The following EIF3H variants were observed in gnomAD, a reference collection of about 807,000 sequenced individuals.
EIF3H encodes the protein eukaryotic translation initiation factor 3 subunit H.
EIF3H carries 26 observed loss-of-function variants against 44.2 expected under a neutral mutation model. The observed-to-expected ratio is 0.59, with a 90% CI of 0.43 to 0.82. The LOEUF (loss-of-function observed/expected upper bound fraction) is 0.82, where lower values mean the gene tolerates loss of function less well. EIF3H is among the 40% of genes least tolerant of loss of function. EIF3H has a pLI of 0.00. For synonymous variants in EIF3H, 166 were observed against 151.9 expected, an observed-to-expected ratio of 1.09 and a Z score of -0.68; for missense variants, 359 against 432.8, an observed-to-expected ratio of 0.83 and a Z score of 1.51.
chr8:116,667,246 G>A (rs764571345), intron 2 of EIF3H, among the ~76,000 whole-genome samples: 10 of 152,096 alleles, frequency 6.6e-5, no homozygotes, highest in Non-Finnish European at 1.3e-4. Flanking sequence ...TAAAGTAGGT[G>A]AAACACTTCC....
intron 2 of EIF3H, among the ~76,000 whole-genome samples, chr8:116,668,366 A>G (rs1160058784): frequency 6.6e-6 from 1 of 152,234 alleles, no homozygotes; most frequent in Non-Finnish European, 1.5e-5. Context: ...AGAGAGTGAG[A>G]TCATACAAGG....
intron 2 of EIF3H, among the ~76,000 whole-genome samples, chr8:116,691,931 T>C (rs535417813): frequency 6.6e-6 from 1 of 152,286 alleles, no homozygotes; most frequent in South Asian, 2.1e-4. Flanking sequence ...GTTAAGGTTT[T>C]CTGGGTTAGA....
intron 1 of EIF3H, among the ~76,000 whole-genome samples, chr8:116,750,751 G>T (rs11781970): frequency 0.88 from 133,885 of 151,840 alleles, 59,312 homozygotes; most frequent in African/African-American, 0.95. Flanking sequence ...GTAGTCTGAG[G>T]GGCTGGAATG....
At chr8:116,726,499 G>A (rs1164292812) in intron 1 of EIF3H, among the ~76,000 whole-genome samples, 1 of 152,114 alleles carries the variant, frequency 6.6e-6, no homozygotes, top group Non-Finnish European at 1.5e-5. Flanking sequence ...CCCTCAACCT[G>A]AGGCTATTAT....
chr8:116,645,362 A>G (rs1208192901), intron 7 of EIF3H, among the ~76,000 whole-genome samples: 3 of 152,222 alleles, frequency 2.0e-5, no homozygotes, highest in Non-Finnish European at 4.4e-5. Flanking sequence ...GCTGTCAGTC[A>G]AAAGGACTGA....
In EIF3H at chr8:116,679,090, G is replaced by A. The variant is rs112759459; in HGVS notation, c.290-20110C>T. Among the ~76,000 whole-genome samples the A allele has an allele frequency of 5.7e-5, 3 of 52,930 alleles. 1 individual carries two copies. The highest frequency in any genetic ancestry group is 1.7e-4 in the Non-Finnish European group (3 of 17,506). 34.7% of individuals were successfully genotyped at this position (52,930 alleles called of 152,430 possible). ...TGGGAAGTGAGGAGTCCCTCTGCCCGGCCAGCCTCCCCGTCCGGGAGGGGG... is the reference window on the plus strand; with the variant it reads ...TGGGAAGTGAGGAGTCCCTCTGCCCAGCCAGCCTCCCCGTCCGGGAGGGGG... On this transcript the variant is annotated intron_variant, in intron 2 of 7. Coordinates refer to ENST00000521861, the MANE Select transcript of EIF3H (RefSeq NM_003756.3).
Position 116,693,787 on chromosome 8 carries a change from C to G in EIF3H, c.289+32229G>C, listed in dbSNP as rs1458962258. 3.3e-5 allele frequency among the ~76,000 whole-genome samples: 5 copies of G among 152,196 alleles called. No homozygotes were observed. The East Asian group carries it at 9.7e-4, about 29-fold the overall frequency. On this transcript the variant is annotated intron_variant, in intron 2 of 7. Coordinates refer to ENST00000521861, the MANE Select transcript of EIF3H (RefSeq NM_003756.3). The stretch of plus-strand genomic sequence containing the variant: ...AGCTCTGAATTCCTTAAGGGATCCT[C>G]CCGCCTCAGCCTCCCAAAGAGCTGG...
chr8:116,674,905 T>C (rs1813820829), intron 2 of EIF3H, among the ~76,000 whole-genome samples: 1 of 152,180 alleles, frequency 6.6e-6, no homozygotes, highest in Non-Finnish European at 1.5e-5. Context: ...TTTTTTTAGA[T>C]GTTTTTACAA....
intron 2 of EIF3H, chr8:116,697,206 G>T (rs1305052721): frequency 2.2e-6 from 1 of 456,198 alleles, no homozygotes; most frequent in Admixed American, 2.3e-5. Flanking sequence ...TTTTCCAGGG[G>T]TTGACAGATC....
At chr8:116,650,982 G>C (rs1271630818) in intron 5 of EIF3H, among the ~76,000 whole-genome samples, 1 of 152,182 alleles carries the variant, frequency 6.6e-6, no homozygotes, top group Non-Finnish European at 1.5e-5. Flanking sequence ...GAGATAGAAA[G>C]TGACTAGAGG....
intron 5 of EIF3H, among the ~76,000 whole-genome samples, chr8:116,655,143 T>C (rs1411494058): frequency 6.6e-6 from 1 of 151,934 alleles, no homozygotes; most frequent in Non-Finnish European, 1.5e-5. Flanking sequence ...TAAGAGGAGC[T>C]ATACATGTGG....
rs1254540980 is a variant in EIF3H at position 116,726,150 on chromosome 8, T to C, written c.155A>G (p.His52Arg). Residue 52 changes from histidine to arginine, a missense_variant, in exon 2 of 8, where the codon CAT becomes CGT. This residue lies in a region of EIF3H where 91 missense variants were observed against 164.6 expected (regional missense o/e 0.55). Transcript: ENST00000521861. ...AGTTCCTTGTCCTTCTTCTTGATAA[T>C]GTTTGATTATCTTTAATACCACCTA... ...DGLVVLKIIK[H>R]YQEEGQGTEV... is the part of the protein sequence containing the mutation. 1 of 1,613,946 alleles carries C rather than the reference T, an allele frequency of 6.2e-7. No individual in the cohort carries two copies.
chr8:116,653,949 G>T (rs1023302288), intron 5 of EIF3H, among the ~76,000 whole-genome samples: 13 of 152,184 alleles, frequency 8.5e-5, no homozygotes, highest in African/African-American at 2.9e-4. Context: ...ACCTGCATAA[G>T]AATTATTTCT....
At chr8:116,677,380 G>C (rs183503473) in intron 2 of EIF3H, among the ~76,000 whole-genome samples, 1 of 152,046 alleles carries the variant, frequency 6.6e-6, no homozygotes, top group Non-Finnish European at 1.5e-5. Flanking sequence ...AAAACTGTTC[G>C]ATGATGGTTA....
At chr8:116,710,290 C>T (rs1053358275) in intron 2 of EIF3H, among the ~76,000 whole-genome samples, 5 of 152,148 alleles carry the variant, frequency 3.3e-5, no homozygotes, top group Non-Finnish European at 5.9e-5. Context: ...CAAATTAAAC[C>T]ATCTATTCAA....
intron 2 of EIF3H, among the ~76,000 whole-genome samples, chr8:116,682,097 C>T (rs1048849747): frequency 8.5e-5 from 13 of 152,152 alleles, no homozygotes; most frequent in East Asian, 5.8e-4. Context: ...ATAAAAGCAG[C>T]GTCCATCCAC....
intron 2 of EIF3H, among the ~76,000 whole-genome samples, chr8:116,688,486 AAAG>A: frequency 6.6e-6 from 1 of 152,316 alleles, no homozygotes; most frequent in Non-Finnish European, 1.5e-5. Flanking sequence ...ATGCTGAGTA[AAAG>A]AAGCAAGACA....
intron 1 of EIF3H, among the ~76,000 whole-genome samples, chr8:116,750,315 T>A (rs1815308838): frequency 7.3e-5 from 1 of 13,614 alleles, no homozygotes; most frequent in Non-Finnish European, 2.0e-4. Context: ...AGAGAACAAT[T>A]TCAAAGAGAA....
chr8:116,674,206 C>A (rs1443307655), intron 2 of EIF3H, among the ~76,000 whole-genome samples: 1 of 150,094 alleles, frequency 6.7e-6, no homozygotes, highest in Admixed American at 6.6e-5. Context: ...CAAGACTCTG[C>A]TGAGTAGAAG....
Sources: gnomAD v4.1 joint callset for allele counts (sites outside exome capture counted in the v4.1 genomes callset) on GRCh38, gnomAD v4.1.1 for gene constraint, gnomAD v4.1.1 regional missense constraint, MANE v1.5 for transcripts, NCBI Gene and HGNC (gene_info 2026-07-23, HGNC 2026-07-21) for gene names.